Variants in NSD1 observed in about 807,000 individuals in gnomAD.
NSD1 encodes nuclear receptor binding SET domain protein 1.
Under a neutral mutation model 242.7 loss-of-function variants are expected in NSD1, and 26 were observed. The ratio of observed to expected loss-of-function variants is 0.11; its 90% CI spans 0.08 to 0.15. The LOEUF is 0.15. Among genes scored for constraint, NSD1 ranks in the 10% least tolerant of loss-of-function variants. The pLI is 1.00. For missense variants in NSD1, 2,495 were observed against 3,272.8 expected, an observed-to-expected ratio of 0.76 and a Z score of 5.80; for synonymous variants, 1,106 against 1,178.1, an observed-to-expected ratio of 0.94 and a Z score of 1.25.
chr5:177,226,213 AT>A (rs1764617310), intron 5 of NSD1, among the ~76,000 whole-genome samples: 1 of 151,922 alleles, frequency 6.6e-6, no homozygotes, highest in African/African-American at 2.4e-5. Context: ...CACCCGGTTA[AT>A]TTTTGTATTT....
At chr5:177,138,411 A>G (rs936179289) in intron 2 of NSD1, among the ~76,000 whole-genome samples, 1 of 152,000 alleles carries the variant, frequency 6.6e-6, no homozygotes, top group African/African-American at 2.4e-5. Context: ...GTGCACCACC[A>G]TGCCTGACTA....
At position 177,267,880 on chromosome 5, in the gene NSD1, T is replaced by A. The variant is rs538386911; in HGVS notation, c.5303+162T>A. Among the ~76,000 whole-genome samples the A allele has an allele frequency of 2.0e-5, 3 of 152,102 alleles. No homozygotes were observed. In the South Asian group the frequency reaches 6.2e-4, roughly 32 times the overall value. On this transcript the variant is annotated intron_variant, in intron 15 of 22. Coordinates refer to ENST00000439151, the MANE Select transcript of NSD1 (RefSeq NM_022455.5). Reference sequence around the variant, plus strand: ...CCTTATAGGAAGAGAAACCTAACTTTATGATTTACAATTATAGGAATAATA... The same window carrying A: ...CCTTATAGGAAGAGAAACCTAACTTAATGATTTACAATTATAGGAATAATA...
At chr5:177,153,461 G>T (rs1484410857) in intron 2 of NSD1, among the ~76,000 whole-genome samples, 1 of 151,774 alleles carries the variant, frequency 6.6e-6, no homozygotes, top group Non-Finnish European at 1.5e-5. Context: ...TGATGAAAAT[G>T]ATTTCTACTT....
chr5:177,188,620 A>G (rs1376680467), intron 2 of NSD1, among the ~76,000 whole-genome samples: 1 of 152,168 alleles, frequency 6.6e-6, no homozygotes, highest in African/African-American at 2.4e-5. Context: ...CAGTGTATGT[A>G]TAGCTCTGTT....
Position 177,257,837 on chromosome 5 carries a change from AT to A in NSD1, c.4966+690del, listed in dbSNP as rs201609157. 1.3e-4 allele frequency among the ~76,000 whole-genome samples: 17 copies of A among 132,586 alleles called. 1 individual carries two copies. The highest frequency in any genetic ancestry group is 3.6e-4 in the African/African-American group (13 of 35,642). 87.0% of individuals were successfully genotyped at this position (132,586 alleles called of 152,430 possible). The stretch of plus-strand genomic sequence containing the variant: ...CTTTTTTTTTATTTTATTTTATTTT[AT>A]TTTATTTTTTTTTGAGACGGAGTCT... On this transcript the variant is annotated intron_variant, in intron 13 of 22. Transcript: ENST00000439151.
chr5:177,151,833 A>G (rs1397991788), intron 2 of NSD1, among the ~76,000 whole-genome samples: 2 of 151,728 alleles, frequency 1.3e-5, no homozygotes, highest in African/African-American at 4.8e-5. Flanking sequence ...GGCTGGGACT[A>G]CAGGTGTGTG....
chr5:177,216,132 G>C (rs954107479), intron 5 of NSD1, among the ~76,000 whole-genome samples: 2 of 152,080 alleles, frequency 1.3e-5, no homozygotes, highest in African/African-American at 4.8e-5. Flanking sequence ...CAAAATGCTG[G>C]GATTCCAGAC....
rs1054126546 is a variant in NSD1 at position 177,169,128 on chromosome 5, A to G, written c.928-22756A>G. ...GTATTCAGAAAGCTGTAGTGGATCA[A>G]CCAGCAGCAGACCACCAAGCAGTGA... On this transcript the variant is annotated intron_variant, in intron 2 of 22. Coordinates refer to ENST00000439151, the MANE Select transcript of NSD1 (RefSeq NM_022455.5). 4.6e-5 allele frequency among the ~76,000 whole-genome samples: 7 copies of G among 152,262 alleles called. No individual in the cohort carries two copies. The East Asian group carries it at 1.2e-3, about 25-fold the overall frequency.
At chr5:177,271,717 T>A (rs1271433025) in intron 16 of NSD1, among the ~76,000 whole-genome samples, 1 of 152,126 alleles carries the variant, frequency 6.6e-6, no homozygotes, top group Non-Finnish European at 1.5e-5. Context: ...CCTGAAAGGA[T>A]GAAGATCTAA....
At chr5:177,234,493 G>A (rs1765292811) in intron 5 of NSD1, among the ~76,000 whole-genome samples, 1 of 152,200 alleles carries the variant, frequency 6.6e-6, no homozygotes, top group African/African-American at 2.4e-5. Flanking sequence ...AAGGCGGGCA[G>A]ATCACTTGAG....
intron 21 of NSD1, among the ~76,000 whole-genome samples, chr5:177,290,118 G>A (rs62397239): frequency 0.23 from 35,127 of 150,400 alleles, 5,440 homozygotes; most frequent in Middle Eastern, 0.36. Context: ...GTGAGCCACT[G>A]TGCCCGGCCC....
intron 11 of NSD1, among the ~76,000 whole-genome samples, chr5:177,249,915 GTC>G (rs1022874767): frequency 2.0e-5 from 3 of 152,158 alleles, no homozygotes; most frequent in African/African-American, 7.2e-5. Flanking sequence ...GTAAAACCCT[GTC>G]TCTGCCAAAA....
Position 177,294,615 on chromosome 5 carries a change from A to G in NSD1, c.7247A>G (p.Gln2416Arg). 6.2e-7 allele frequency: 1 copy of G among 1,614,220 alleles called. No individual in the cohort carries two copies. The highest frequency in any genetic ancestry group is 8.5e-7 in the Non-Finnish European group (1 of 1,180,032). ...PTDKPHASLSQRLPPPEKVLS... is the reference protein window; with the variant it reads ...PTDKPHASLSRRLPPPEKVLS... ...GACAAACCCCATGCCTCTTTGTCCC[A>G]GAGACTCCCACCTCCTGAGAAAGTA... The change falls in exon 23 of 23, where the codon CAG becomes CGG. Residue 2416 changes from glutamine to arginine, a missense_variant. Around this residue, in one of 19 missense-constraint regions of NSD1, gnomAD observed 475 missense variants for 563.7 expected, o/e 0.84. Coordinates refer to ENST00000439151, the MANE Select transcript of NSD1 (RefSeq NM_022455.5).
Position 177,182,059 on chromosome 5 carries a change from G to C in NSD1, c.928-9825G>C, listed in dbSNP as rs572516646. ...CCTAGCTACTCGGGAGGCCGAGGTA[G>C]GAGAATGGTGTGAACCCGGGAGGTG... On this transcript the variant is annotated intron_variant, in intron 2 of 22. Coordinates refer to ENST00000439151, the MANE Select transcript of NSD1 (RefSeq NM_022455.5). 2.3e-4 allele frequency among the ~76,000 whole-genome samples: 35 copies of C among 152,090 alleles called. 1 individual carries two copies. The highest frequency in any genetic ancestry group is 2.2e-3 in the Admixed American group (33 of 15,276).
At chr5:177,176,167 C>T (rs1224378550) in intron 2 of NSD1, among the ~76,000 whole-genome samples, 4 of 152,130 alleles carry the variant, frequency 2.6e-5, no homozygotes, top group Admixed American at 1.3e-4. Context: ...TTAGCCACTG[C>T]GCCCGGCCCG....
chr5:177,274,964 C>T (rs1057111221), intron 17 of NSD1, among the ~76,000 whole-genome samples: 3 of 151,932 alleles, frequency 2.0e-5, no homozygotes, highest in Admixed American at 1.3e-4. Context: ...GAACTCCTGA[C>T]CTCAAGTGAT....
intron 2 of NSD1, among the ~76,000 whole-genome samples, chr5:177,163,183 C>A (rs1328448575): frequency 7.0e-6 from 1 of 143,584 alleles, no homozygotes; most frequent in Non-Finnish European, 1.5e-5. Flanking sequence ...CGTTCTGTTG[C>A]CAAGTCTGGA....
intron 5 of NSD1, among the ~76,000 whole-genome samples, chr5:177,215,407 C>T (rs1275171749): frequency 6.6e-6 from 1 of 151,932 alleles, no homozygotes; most frequent in Non-Finnish European, 1.5e-5. Context: ...AACTCCTGAC[C>T]TCAGGTGGTC....
chr5:177,268,173 A>G (rs764947529), intron 15 of NSD1, among the ~76,000 whole-genome samples: 8 of 151,598 alleles, frequency 5.3e-5, no homozygotes, highest in Non-Finnish European at 1.2e-4. Flanking sequence ...CAGTGGTGTG[A>G]TCATTGCTCA....
Sources: allele counts gnomAD v4.1 joint callset (sites outside exome capture counted in the v4.1 genomes callset), GRCh38; gene constraint gnomAD v4.1.1; regional missense constraint gnomAD v4.1.1; transcripts MANE v1.5; gene names NCBI Gene and HGNC (gene_info 2026-07-23, HGNC 2026-07-21).